CNTN4: variants seen among roughly 807,000 people sequenced by gnomAD.
CNTN4 encodes contactin 4.
In CNTN4, 77 loss-of-function variants were observed where a neutral mutation model predicts 122.5. The ratio of observed to expected loss-of-function variants is 0.63; its 90% confidence interval spans 0.52 to 0.76. The LOEUF (loss-of-function observed/expected upper bound fraction) is 0.76. CNTN4 is among the 30% of genes least tolerant of loss of function. The pLI is 0.00. For missense variants in CNTN4, 1,256 were observed against 1,259.1 expected, an observed-to-expected ratio of 1.00 and a Z score of 0.04; for synonymous variants, 512 against 447.0, an observed-to-expected ratio of 1.15 and a Z score of -1.83.
chr3:2,936,900 A>T (rs1475628903), intron 13 of CNTN4, among the ~76,000 whole-genome samples: 5 of 152,140 alleles, frequency 3.3e-5, no homozygotes, highest in Admixed American at 6.5e-5. Context: ...ACACAGCCAT[A>T]CTCATTCATT....
chr3:3,053,774 G>A (rs751908137), intron 23 of CNTN4, 33 bp from the exon 24 acceptor site: 57 of 1,610,540 alleles, frequency 3.5e-5, no homozygotes, highest in Admixed American at 1.0e-4. Context: ...TTGTGAAGAC[G>A]GCAGGTGACA....
At chr3:3,012,323 G>T (rs188084550) in intron 14 of CNTN4, among the ~76,000 whole-genome samples, 16 of 152,094 alleles carry the variant, frequency 1.1e-4, no homozygotes, top group African/African-American at 3.6e-4. Context: ...AAGGATTTTG[G>T]CATTTACTCT....
At chr3:2,447,310 A>G (rs2048662678) in intron 3 of CNTN4, among the ~76,000 whole-genome samples, 1 of 152,132 alleles carries the variant, frequency 6.6e-6, no homozygotes, top group African/African-American at 2.4e-5. Flanking sequence ...ACCAATCACA[A>G]ATTTTGGCAC....
chr3:2,218,108 T>A (rs1458369720), intron 2 of CNTN4, among the ~76,000 whole-genome samples: 1 of 152,136 alleles, frequency 6.6e-6, no homozygotes, highest in Non-Finnish European at 1.5e-5. Context: ...GAAATGCATG[T>A]GAAGAATGTA....
chr3:2,404,075 A>T (rs1259393605), intron 3 of CNTN4, among the ~76,000 whole-genome samples: 1 of 152,174 alleles, frequency 6.6e-6, no homozygotes, highest in Non-Finnish European at 1.5e-5. Context: ...TAGTTGACAT[A>T]AATAGTGAAA....
At chr3:2,432,966 A>G (rs1423755201) in intron 3 of CNTN4, among the ~76,000 whole-genome samples, 1 of 151,626 alleles carries the variant, frequency 6.6e-6, no homozygotes, top group Admixed American at 6.6e-5. Context: ...CACCACACCC[A>G]GCTCATTTGT....
intron 2 of CNTN4, among the ~76,000 whole-genome samples, chr3:2,308,447 T>C (rs1284023917): frequency 6.6e-6 from 1 of 152,084 alleles, no homozygotes; most frequent in Non-Finnish European, 1.5e-5. Flanking sequence ...CTGTTGCTCT[T>C]CTTTTCCAGG....
At chr3:2,738,592 G>C (rs1053913844) in intron 5 of CNTN4, among the ~76,000 whole-genome samples, 5 of 151,788 alleles carry the variant, frequency 3.3e-5, no homozygotes, top group Non-Finnish European at 7.4e-5. Flanking sequence ...TTATTGCACA[G>C]AACAATAAAA....
At chr3:2,518,890 C>T (rs1312377274) in intron 3 of CNTN4, among the ~76,000 whole-genome samples, 1 of 152,030 alleles carries the variant, frequency 6.6e-6, no homozygotes, top group Non-Finnish European at 1.5e-5. Context: ...ATGGGAGCCG[C>T]CACAGGAAAA....
At chr3:2,774,013 A>G (rs1576737972) in intron 6 of CNTN4, among the ~76,000 whole-genome samples, 1 of 151,810 alleles carries the variant, frequency 6.6e-6, no homozygotes, top group Non-Finnish European at 1.5e-5. Flanking sequence ...ACTTGCCTCA[A>G]CCTCCCAAAG....
At chr3:2,324,960 T>C (rs1457733034) in intron 2 of CNTN4, among the ~76,000 whole-genome samples, 1 of 152,210 alleles carries the variant, frequency 6.6e-6, no homozygotes, top group Admixed American at 6.5e-5. Flanking sequence ...CATTCCCTTA[T>C]TTTCAGTGAG....
In CNTN4 at chr3:2,484,970, G is replaced by C. The variant is rs576799170; in HGVS notation, c.-88-86446G>C. 3.9e-5 allele frequency among the ~76,000 whole-genome samples: 6 copies of C among 152,326 alleles called. No homozygotes were observed. The South Asian group carries it at 8.3e-4, about 21-fold the overall frequency. ...CGCTCACCGGCCAGCGCGAGTTCCAGGTGGCCGTGGGCTCGGCGGCCCGCA... is the reference window on the plus strand; with the variant it reads ...CGCTCACCGGCCAGCGCGAGTTCCACGTGGCCGTGGGCTCGGCGGCCCGCA... On this transcript the variant is annotated intron_variant, in intron 3 of 24. Transcript: ENST00000418658.
intron 3 of CNTN4, among the ~76,000 whole-genome samples, chr3:2,347,958 T>C (rs1575429037): frequency 6.6e-6 from 1 of 152,204 alleles, no homozygotes; most frequent in East Asian, 1.9e-4. Flanking sequence ...TAATCTTTTA[T>C]TATTTTTATT....
chr3:2,830,114 G>A (rs2093070423), intron 7 of CNTN4, among the ~76,000 whole-genome samples: 1 of 152,006 alleles, frequency 6.6e-6, no homozygotes, highest in Non-Finnish European at 1.5e-5. Flanking sequence ...TTGCTTTTGT[G>A]CAAACGTTTC....
intron 4 of CNTN4, among the ~76,000 whole-genome samples, chr3:2,705,811 T>C (rs1414885168): frequency 9.4e-6 from 1 of 106,754 alleles, no homozygotes; most frequent in African/African-American, 3.9e-5. Flanking sequence ...ATATATAATA[T>C]ATATAATATA....
chr3:2,234,344 C>A (rs13323651), intron 2 of CNTN4, among the ~76,000 whole-genome samples: 1 of 133,606 alleles, frequency 7.5e-6, no homozygotes, highest in Non-Finnish European at 1.5e-5. Context: ...CACCATTGCA[C>A]TCCAGCCGGG....
intron 13 of CNTN4, among the ~76,000 whole-genome samples, chr3:2,955,212 A>T (rs2094786936): frequency 6.6e-6 from 1 of 152,234 alleles, no homozygotes; most frequent in East Asian, 1.9e-4. Flanking sequence ...AGTCATATAT[A>T]ATGAGCAAGA....
rs140939875 is a variant in CNTN4 at position 2,758,484 on chromosome 3, A to G, written c.358+12787A>G. Among the ~76,000 whole-genome samples, 319 of 148,814 alleles carry G rather than the reference A, an allele frequency of 2.1e-3. 3 individuals carry two copies. The highest frequency in any genetic ancestry group is 2.9e-3 in the Non-Finnish European group (194 of 66,806). On this transcript the variant is annotated intron_variant, in intron 6 of 24. Coordinates refer to ENST00000418658, the MANE Select transcript of CNTN4 (RefSeq NM_175607.3). ...TCATTCACCTAGAAAAAAACTCATT[A>G]TGAAGGTGTTGCCTCTTACTTTCAA... is the stretch of plus-strand genomic sequence containing the variant.
chr3:2,409,302 C>T (rs904777526), intron 3 of CNTN4, among the ~76,000 whole-genome samples: 6 of 146,884 alleles, frequency 4.1e-5, no homozygotes, highest in Admixed American at 3.5e-4. Flanking sequence ...GGCTGGAGTG[C>T]AGTGGCATGA....
Sources: gnomAD v4.1 joint callset for allele counts (sites outside exome capture counted in the v4.1 genomes callset) on GRCh38, gnomAD v4.1.1 for gene constraint, MANE v1.5 for transcripts, NCBI Gene and HGNC (gene_info 2026-07-23, HGNC 2026-07-21) for gene names.